The following NRXN3 variants were observed in gnomAD, a reference collection of about 807,000 sequenced individuals.
NRXN3 encodes neurexin 3.
NRXN3 carries 32 observed loss-of-function variants against 137.6 expected under a neutral mutation model. The observed-to-expected ratio is 0.23, with a 90% CI of 0.18 to 0.31. The LOEUF (loss-of-function observed/expected upper bound fraction) is 0.31. Among genes scored for constraint, NRXN3 ranks in the 10% least tolerant of loss-of-function variants. NRXN3 has a pLI of 1.00. For synonymous variants in NRXN3, 798 were observed against 784.5 expected, an observed-to-expected ratio of 1.02 and a Z score of -0.29; for missense variants, 1,574 against 2,062.5, an observed-to-expected ratio of 0.76 and a Z score of 4.59.
At chr14:79,821,607 A>G (rs2141044950) in intron 20 of NRXN3, among the ~76,000 whole-genome samples, 1 of 150,180 alleles carries the variant, frequency 6.7e-6, no homozygotes, top group Admixed American at 6.6e-5. Context: ...GGTTTAGTAA[A>G]CTCTTGGTGA....
intron 15 of NRXN3, among the ~76,000 whole-genome samples, chr14:79,435,300 CA>C (rs147005397): frequency 0.32 from 39,066 of 123,336 alleles, 5,410 homozygotes; most frequent in South Asian, 0.44. Context: ...GAAATTTGCT[CA>C]AAAAAAAAAA....
At chr14:79,067,032 G>A (rs183740535) in intron 15 of NRXN3, among the ~76,000 whole-genome samples, 80 of 152,064 alleles carry the variant, frequency 5.3e-4, no homozygotes, top group African/African-American at 1.8e-3. Context: ...GAAAGGCATC[G>A]TTGTCTTGTG....
chr14:78,834,671 G>A (rs578065141), intron 10 of NRXN3, among the ~76,000 whole-genome samples: 215 of 152,094 alleles, frequency 1.4e-3, no homozygotes, highest in Non-Finnish European at 2.7e-3. Flanking sequence ...GTACAAGGAG[G>A]ACTGATATGT....
At chr14:78,545,918 T>G (rs891376730) in intron 4 of NRXN3, among the ~76,000 whole-genome samples, 1 of 152,222 alleles carries the variant, frequency 6.6e-6, no homozygotes, top group Non-Finnish European at 1.5e-5. Flanking sequence ...AATTCACTCT[T>G]TTTAATGGGT....
At chr14:79,705,591 T>C (rs1420104203) in intron 19 of NRXN3, among the ~76,000 whole-genome samples, 1 of 152,162 alleles carries the variant, frequency 6.6e-6, no homozygotes, top group Non-Finnish European at 1.5e-5. Flanking sequence ...AGCGAGTGTC[T>C]CATTCAATCT....
intron 8 of NRXN3, among the ~76,000 whole-genome samples, chr14:78,741,795 G>A (rs887604087): frequency 6.6e-6 from 1 of 152,006 alleles, no homozygotes; most frequent in African/African-American, 2.4e-5. Context: ...ACCAAAACTT[G>A]GTACCCTTGG....
intron 4 of NRXN3, among the ~76,000 whole-genome samples, chr14:78,553,379 C>T (rs2096710317): frequency 6.6e-6 from 1 of 152,092 alleles, no homozygotes; most frequent in African/African-American, 2.4e-5. Flanking sequence ...GCACCTGAGC[C>T]CTTGTTGGTG....
At chr14:78,386,718 G>T (rs2090019677) in intron 4 of NRXN3, among the ~76,000 whole-genome samples, 1 of 152,194 alleles carries the variant, frequency 6.6e-6, no homozygotes, top group African/African-American at 2.4e-5. Context: ...AGATTCTAAG[G>T]GTGGTGCCAT....
intron 15 of NRXN3, among the ~76,000 whole-genome samples, chr14:79,189,551 A>G (rs1236498402): frequency 6.6e-6 from 1 of 152,006 alleles, no homozygotes; most frequent in African/African-American, 2.4e-5. Context: ...AAAAAAAAAA[A>G]GTCCCTTTCT....
intron 8 of NRXN3, among the ~76,000 whole-genome samples, chr14:78,746,723 G>A (rs1028052719): frequency 1.3e-5 from 2 of 152,180 alleles, no homozygotes; most frequent in Non-Finnish European, 2.9e-5. Flanking sequence ...ACTTCTACTT[G>A]TGCAGAGAGT....
chr14:79,584,128 T>C (rs965130075), intron 16 of NRXN3, among the ~76,000 whole-genome samples: 1 of 152,170 alleles, frequency 6.6e-6, no homozygotes, highest in Non-Finnish European at 1.5e-5. Flanking sequence ...TATGTATTTA[T>C]GTATCTACTT....
intron 6 of NRXN3, chr14:78,708,671 C>G: frequency 6.5e-6 from 1 of 153,132 alleles, no homozygotes; most frequent in East Asian, 1.9e-4. Context: ...TGCCCCCACG[C>G]CCCCACACTT....
chr14:78,617,801 C>T (rs1038989708), intron 4 of NRXN3, among the ~76,000 whole-genome samples: 1 of 151,972 alleles, frequency 6.6e-6, no homozygotes, highest in Middle Eastern at 3.4e-3. Flanking sequence ...AGTATGTGTA[C>T]ATATCATATT....
At chr14:79,589,266 AC>A (rs1380603462) in intron 16 of NRXN3, among the ~76,000 whole-genome samples, 1 of 152,154 alleles carries the variant, frequency 6.6e-6, no homozygotes, top group Non-Finnish European at 1.5e-5. Context: ...AAACAAGCAA[AC>A]AAAAAATTGT....
intron 10 of NRXN3, among the ~76,000 whole-genome samples, chr14:78,878,982 A>G (rs1464358785): frequency 2.0e-5 from 3 of 151,926 alleles, no homozygotes; most frequent in African/African-American, 4.8e-5. Flanking sequence ...GGCTTATTTT[A>G]CTTAACATAA....
At chr14:78,920,106 T>C (rs183257749) in intron 10 of NRXN3, among the ~76,000 whole-genome samples, 250 of 152,338 alleles carry the variant, frequency 1.6e-3, no homozygotes, top group Middle Eastern at 0.014. Context: ...CAACGTTTAC[T>C]TCTCATCCAC....
At chr14:79,013,730 C>T (rs2099574853) in intron 15 of NRXN3, among the ~76,000 whole-genome samples, 1 of 152,186 alleles carries the variant, frequency 6.6e-6, no homozygotes, top group African/African-American at 2.4e-5. Flanking sequence ...TAAGTAGCCA[C>T]TTTACGTGGC....
chr14:78,893,872 G>C (rs1185204669), intron 10 of NRXN3, among the ~76,000 whole-genome samples: 1 of 151,822 alleles, frequency 6.6e-6, no homozygotes. Flanking sequence ...CATATAAATT[G>C]TTTGGTTTCC....
rs923259016 is a variant in NRXN3, at chr14:79,511,197, G to A, written c.3444+43795G>A. ...TCTGATCAGTTTCACTGGAAAGATA[G>A]CAAGTGGAAAAAGTGTGCAGAGATA... On this transcript the variant is annotated intron_variant, in intron 16 of 20. Transcript: ENST00000335750. 3.3e-5 allele frequency among the ~76,000 whole-genome samples: 5 copies of A among 152,200 alleles called. No individual in the cohort carries two copies. In the South Asian group the frequency reaches 1.0e-3, roughly 32 times the overall value.
Sources: gnomAD v4.1 joint callset for allele counts (sites outside exome capture counted in the v4.1 genomes callset) on GRCh38, gnomAD v4.1.1 for gene constraint, MANE v1.5 for transcripts, NCBI Gene and HGNC (gene_info 2026-07-23, HGNC 2026-07-21) for gene names.